The following PRRC2A variants were observed in gnomAD, a reference collection of about 807,000 sequenced individuals.
PRRC2A encodes protein PRRC2A.
PRRC2A carries 59 observed loss-of-function variants against 224.6 expected under a neutral mutation model. The observed-to-expected ratio is 0.26, with a 90% CI of 0.21 to 0.33. The LOEUF is 0.33. Among genes scored for constraint, PRRC2A ranks in the 10% least tolerant of loss-of-function variants. The pLI, the probability that PRRC2A is intolerant of heterozygous loss-of-function variation, is 1.00. For missense variants in PRRC2A, 3,095 were observed against 2,880.7 expected, an observed-to-expected ratio of 1.07 and a Z score of -1.70; for synonymous variants, 1,194 against 1,109.5, an observed-to-expected ratio of 1.08 and a Z score of -1.51.
Position 31,631,082 on chromosome 6 carries a change from A to T in PRRC2A, c.2466-57A>T, listed in dbSNP as rs1474592736. 6.4e-6 allele frequency: 9 copies of T among 1,410,912 alleles called. No homozygotes were observed. The Admixed American group carries it at 2.1e-4, about 33-fold the overall frequency. 87.4% of individuals were successfully genotyped at this position (1,410,912 alleles called of 1,614,324 possible). A position where few individuals can be genotyped will look rare whatever the true frequency, so the allele number is the denominator to read the frequency against. ...CATCATAATAAAGTGTTCTTTTCCC[A>T]CCTAGTTCTGGTTTTCCTGAGATAC... is the stretch of plus-strand genomic sequence containing the variant. On this transcript the variant is annotated intron_variant, in intron 15 of 30. Transcript: ENST00000376033. This position sits in a 1 kb window ranked among gnomAD's most constrained non-coding sequence, Gnocchi z 4.5.
chr6:31,621,877 TA>T (rs1173830201), intron 1 of PRRC2A, among the ~76,000 whole-genome samples: 1 of 152,222 alleles, frequency 6.6e-6, no homozygotes, highest in Non-Finnish European at 1.5e-5. Flanking sequence ...TGGACATTTT[TA>T]ATGAGGATAG....
Position 31,627,615 on chromosome 6 carries a change from G to T in PRRC2A, c.1291-150G>T. 9.8e-7 allele frequency: 1 copy of T among 1,016,652 alleles called. No individual in the cohort carries two copies. The highest frequency in any genetic ancestry group is 1.7e-5 in the South Asian group (1 of 59,014). 63.0% of individuals were successfully genotyped at this position (1,016,652 alleles called of 1,614,324 possible). Reference sequence around the variant, plus strand: ...AAGACGTGGTCTCAAAGAAGACCAGGATAATGAGTTTGTCACCACCCAGAG... The same window carrying T: ...AAGACGTGGTCTCAAAGAAGACCAGTATAATGAGTTTGTCACCACCCAGAG... On this transcript the variant is annotated intron_variant, in intron 11 of 30. Coordinates refer to ENST00000376033, the MANE Select transcript of PRRC2A (RefSeq NM_004638.4). This position sits in a 1 kb window ranked among gnomAD's most constrained non-coding sequence, Gnocchi z 5.6.
At position 31,635,763 on chromosome 6, in the gene PRRC2A, C is replaced by T. The variant is rs1051211926; in HGVS notation, c.5541+14C>T. 8 of 1,568,882 alleles carry T rather than the reference C, an allele frequency of 5.1e-6. No individual in the cohort carries two copies. Among genetic ancestry groups the T allele is most frequent in the Non-Finnish European group, 6.9e-6 (8 of 1,159,210 alleles). On this transcript the variant is annotated intron_variant, in intron 24 of 30. Coordinates refer to ENST00000376033, the MANE Select transcript of PRRC2A (RefSeq NM_004638.4). Reference sequence around the variant, plus strand: ...TCCAGTTCTCAGGTAGGCCCCGCTTCCCATTGCATGACCCCTTCAGTGAAT... The same window carrying T: ...TCCAGTTCTCAGGTAGGCCCCGCTTTCCATTGCATGACCCCTTCAGTGAAT...
rs755410303 is a variant in PRRC2A, at chr6:31,632,918, C to T, written c.4245C>T (p.Gly1415=). 5.1e-5 allele frequency: 82 copies of T among 1,612,292 alleles called. No homozygotes were observed. The highest frequency in any genetic ancestry group is 1.7e-4 in the Middle Eastern group (1 of 6,052). ...GCAGTGGCAGCAGCAGTGGAGGAGG[C>T]GGTGGGGGTCCTGGAGGAAGGACCG... is the stretch of plus-strand genomic sequence containing the variant. ...AGSSGSSSGG[G]GGGPGGRTGP... is the part of the protein sequence containing the mutation. The change falls in exon 16 of 31, where the codon GGC becomes GGT. Residue 1415 remains glycine (G), a synonymous_variant. Coordinates refer to ENST00000376033, the MANE Select transcript of PRRC2A (RefSeq NM_004638.4).
At chr6:31,624,671 T>G (rs1775692798) in intron 5 of PRRC2A, 149 bp downstream of exon 5, 1 of 889,250 alleles carries the variant, frequency 1.1e-6, no homozygotes, top group Non-Finnish European at 1.8e-6. Context: ...TGAGCAAGTT[T>G]AAGTCTCAGT....
At chr6:31,626,304 G>A in intron 9 of PRRC2A, 142 bp downstream of exon 9, 1 of 1,078,856 alleles carries the variant, frequency 9.3e-7, no homozygotes, top group Non-Finnish European at 1.3e-6. Flanking sequence ...TGTAATCCCA[G>A]TGCTTTGGGA....
At position 31,625,014 on chromosome 6, in the gene PRRC2A, G is replaced by A. The variant is rs1775738661; in HGVS notation, c.464-157G>A. Reference sequence around the variant, plus strand: ...TGGGGTTTCACATGTTGGCCAGGATGGTCTCGATCTCTTGACCTCGTGATC... The same window carrying A: ...TGGGGTTTCACATGTTGGCCAGGATAGTCTCGATCTCTTGACCTCGTGATC... On this transcript the variant is annotated intron_variant, in intron 5 of 30. Transcript: ENST00000376033. This position sits in a 1 kb window ranked among gnomAD's most constrained non-coding sequence, Gnocchi z 4.1. 1.3e-6 allele frequency: 1 copy of A among 777,970 alleles called. No individual in the cohort carries two copies. The highest frequency in any genetic ancestry group is 2.1e-6 in the Non-Finnish European group (1 of 478,138). 48.2% of individuals were successfully genotyped at this position (777,970 alleles called of 1,614,324 possible). A position where few individuals can be genotyped will look rare whatever the true frequency, so the allele number is the denominator to read the frequency against.
Position 31,636,326 on chromosome 6 carries a change from G to A in PRRC2A, c.5742G>A (p.Lys1914=). 1.2e-6 allele frequency: 2 copies of A among 1,613,062 alleles called. No homozygotes were observed. Among genetic ancestry groups the A allele is most frequent in the Non-Finnish European group, 1.7e-6 (2 of 1,180,028 alleles). ...CAATGCAAGCTACAGAGCTGGGGAA[G>A]TTGCCGGCTGGAGGAGTTCTCTACC... ...FSTMQATELG[K]LPAGGVLYPP... Residue 1914 remains lysine (K), a synonymous_variant, in exon 26 of 31, where the codon AAG becomes AAA. Transcript: ENST00000376033. The surrounding 1 kb of genome is among the most constrained non-coding windows in gnomAD (Gnocchi z 4.3).
In PRRC2A at chr6:31,633,383, C is replaced by A; in HGVS notation, c.4324C>A (p.Pro1442Thr). The A allele has an allele frequency of 1.2e-6, 2 of 1,612,122 alleles. No homozygotes were observed. Among genetic ancestry groups the A allele is most frequent in the Non-Finnish European group, 1.7e-6 (2 of 1,179,404 alleles). ...SWPSPKNRSR[P>T]PEERPPGLPL... ...CTAATGCTCTGTTTTCTCCAGTCGT[C>A]CTCCAGAGGAGCGTCCCCCGGGGCT... Residue 1442 changes from proline (P) to threonine (T), a missense_variant, in exon 17 of 31, where the codon CCT becomes ACT. Pro to Thr is a conservative substitution (Grantham distance 38, BLOSUM62 -1). Coordinates refer to ENST00000376033, the MANE Select transcript of PRRC2A (RefSeq NM_004638.4).
chr6:31,624,045 G>A (rs1389861186), intron 3 of PRRC2A, 136 bp downstream of exon 3: 12 of 1,189,630 alleles, frequency 1.0e-5, no homozygotes, highest in African/African-American at 1.5e-5. Context: ...CAGGTTCCTT[G>A]TTAAATGACT....
chr6:31,629,416 G>A (rs80271556), intron 13 of PRRC2A, 82 bp downstream of exon 13: 2 of 1,503,648 alleles, frequency 1.3e-6, no homozygotes, highest in Non-Finnish European at 1.8e-6. Flanking sequence ...TTACCTTCTG[G>A]GTCCCTTTGC....
In PRRC2A at chr6:31,635,605, G is replaced by C; in HGVS notation, c.5397G>C (p.Trp1799Cys). The change falls in exon 24 of 31, where the codon TGG becomes TGC. Residue 1799 changes from tryptophan (W) to cysteine (C), a missense_variant. This residue lies in a region of PRRC2A where 662 missense variants were observed against 609.5 expected (regional missense o/e 1.09). Transcript: ENST00000376033. Reference sequence around the variant, plus strand: ...AGGCCATTCCTGTATCACGAGACTGGGAGCTGCTTCCCAGTGCTGCTGCCT... The same window carrying C: ...AGGCCATTCCTGTATCACGAGACTGCGAGCTGCTTCCCAGTGCTGCTGCCT... ...VTEAIPVSRD[W>C]ELLPSAAASA... The C allele has an allele frequency of 6.2e-7, 1 of 1,611,676 alleles. No homozygotes were observed. Among genetic ancestry groups the C allele is most frequent in the South Asian group, 1.1e-5 (1 of 90,928 alleles).
intron 9 of PRRC2A, 135 bp from the exon 10 acceptor site, chr6:31,626,637 G>A (rs1775944280): frequency 1.3e-6 from 1 of 752,644 alleles, no homozygotes; most frequent in Non-Finnish European, 2.2e-6. Context: ...AGAATGACAA[G>A]ACTTCATTGG....
At chr6:31,633,081 G>A in intron 16 of PRRC2A, 89 bp downstream of exon 16, 1 of 1,417,952 alleles carries the variant, frequency 7.1e-7, no homozygotes, top group East Asian at 2.5e-5. Flanking sequence ...GTGGAGTGGA[G>A]ATTGTGGCCT....
rs933989870 is a variant in PRRC2A at position 31,623,254 on chromosome 6, C to G, written c.112+353C>G. 6 of 445,370 alleles carry G rather than the reference C, an allele frequency of 1.3e-5. No individual in the cohort carries two copies. The Admixed American group carries it at 1.5e-4, about 11-fold the overall frequency. The allele number at this position is 445,370 out of a possible 1,614,324, so 27.6% of individuals were successfully genotyped here. On this transcript the variant is annotated intron_variant, in intron 2 of 30. Coordinates refer to ENST00000376033, the MANE Select transcript of PRRC2A (RefSeq NM_004638.4). The stretch of plus-strand genomic sequence containing the variant: ...ATCTCAGCCTTCTTGATAGGGATTT[C>G]ATAGATTTTTTTTTTTTTTTTTTTT...
At chr6:31,633,107 C>G in intron 16 of PRRC2A, 115 bp downstream of exon 16, 1 of 1,339,652 alleles carries the variant, frequency 7.5e-7, no homozygotes, top group South Asian at 1.5e-5. Context: ...GCCATGGGCT[C>G]TAGAATGTCA....
chr6:31,636,106 G>A lies in PRRC2A; in HGVS notation c.5624+57G>A. On this transcript the variant is annotated intron_variant, in intron 25 of 30. Coordinates refer to ENST00000376033, the MANE Select transcript of PRRC2A (RefSeq NM_004638.4). This position sits in a 1 kb window ranked among gnomAD's most constrained non-coding sequence, Gnocchi z 4.3. ...ACTTGGAGATGTGTTTCGGGGAGAG[G>A]GAAGGGGAAGACACAGTTCTAGGGT... 6.4e-7 allele frequency: 1 copy of A among 1,571,344 alleles called. No individual in the cohort carries two copies. Among genetic ancestry groups the A allele is most frequent in the South Asian group, 1.1e-5 (1 of 90,054 alleles).
Position 31,625,064 on chromosome 6 carries a change from C to G in PRRC2A, c.464-107C>G. The G allele has an allele frequency of 7.6e-7, 1 of 1,311,722 alleles. No individual in the cohort carries two copies. Among genetic ancestry groups the G allele is most frequent in the Non-Finnish European group, 1.1e-6 (1 of 942,344 alleles). The allele number at this position is 1,311,722 out of a possible 1,614,324, so 81.3% of individuals were successfully genotyped here. On this transcript the variant is annotated intron_variant, in intron 5 of 30. Coordinates refer to ENST00000376033, the MANE Select transcript of PRRC2A (RefSeq NM_004638.4). This position sits in a 1 kb window ranked among gnomAD's most constrained non-coding sequence, Gnocchi z 4.1. ...CCGCCCGCCTCAGCCTCCCAGAGTG[C>G]TGGGATTACAGGCGTGAGCCACCGC... is the stretch of plus-strand genomic sequence containing the variant.
rs1183547188 is a variant in PRRC2A at position 31,632,979 on chromosome 6, C to T, written c.4306C>T (p.Pro1436Ser). 7.0e-6 allele frequency: 11 copies of T among 1,572,480 alleles called. No individual in the cohort carries two copies. The Admixed American group carries it at 1.5e-4, about 22-fold the overall frequency. The change falls in exon 16 of 31, where the codon CCC becomes TCC. Residue 1436 changes from proline (P) to serine (S), a missense_variant. Pro to Ser is a moderately conservative substitution (Grantham distance 74, BLOSUM62 -1). Around this residue, in one of 8 missense-constraint regions of PRRC2A, gnomAD observed 2,001 missense variants for 1,764.9 expected, o/e 1.13. Transcript: ENST00000376033. ...AGGCGACAAGAGGAGCTGGCCCTCT[C>T]CCAAGAACCGAAGGTGGGTAGGAAC... ...GRGDKRSWPSPKNRSRPPEER... is the reference protein window; with the variant it reads ...GRGDKRSWPSSKNRSRPPEER...
Sources: allele counts gnomAD v4.1 joint callset (sites outside exome capture counted in the v4.1 genomes callset), GRCh38; gene constraint gnomAD v4.1.1; regional missense constraint gnomAD v4.1.1; non-coding constraint Gnocchi (gnomAD v3.1); transcripts MANE v1.5; gene names NCBI Gene and HGNC (gene_info 2026-07-23, HGNC 2026-07-21).